The following PRELID2 variants were observed in gnomAD, a reference collection of about 807,000 sequenced individuals.
The protein encoded by PRELID2 is PRELI domain containing 2, also known as PRELI domain-containing protein 2.
A neutral mutation model predicts 28.4 loss-of-function variants in PRELID2; 25 were observed. The ratio of observed to expected loss-of-function variants is 0.88; its 90% CI spans 0.64 to 1.23. The LOEUF (loss-of-function observed/expected upper bound fraction) is 1.23. Among genes scored for constraint, PRELID2 ranks in the 50% most tolerant of loss-of-function variants. The pLI, the probability that PRELID2 is intolerant of heterozygous loss-of-function variation, is 0.00. For missense variants in PRELID2, 201 were observed against 214.4 expected (o/e 0.94, Z 0.39); for synonymous variants, 76 against 71.6 (o/e 1.06, Z -0.31).
At chr5:145,420,226 G>C in the PRELID2 span, among the ~76,000 whole-genome samples, 5 of 152,044 alleles carry the variant, frequency 3.3e-5, no homozygotes, top group Non-Finnish European at 5.9e-5. Flanking sequence ...TCTTTTTTTA[G>C]TTCCATATGA....
chr5:145,463,717 T>C, the PRELID2 span, among the ~76,000 whole-genome samples: 1 of 152,108 alleles, frequency 6.6e-6, no homozygotes, highest in African/African-American at 2.4e-5. Context: ...CCTGAAGGTA[T>C]TGCCAGCATT....
the PRELID2 span, among the ~76,000 whole-genome samples, chr5:145,320,180 G>C: frequency 6.6e-6 from 1 of 152,200 alleles, no homozygotes; most frequent in Non-Finnish European, 1.5e-5. Context: ...CTTTTAGTCA[G>C]GGAATAGTTT....
intron 1 of PRELID2, among the ~76,000 whole-genome samples, chr5:145,508,734 A>G (rs973610527): frequency 6.6e-6 from 1 of 152,164 alleles, no homozygotes; most frequent in Non-Finnish European, 1.5e-5. Flanking sequence ...AATTGTTTAC[A>G]TCTCAAGAGT....
the PRELID2 span, among the ~76,000 whole-genome samples, chr5:145,288,188 A>G: frequency 1.3e-5 from 2 of 152,162 alleles, no homozygotes; most frequent in African/African-American, 4.8e-5. Flanking sequence ...GGAAGTTACT[A>G]TAAGAAGCAT....
intron 1 of PRELID2, among the ~76,000 whole-genome samples, chr5:145,523,134 T>C (rs945318925): frequency 6.6e-6 from 1 of 152,156 alleles, no homozygotes; most frequent in Non-Finnish European, 1.5e-5. Context: ...TGTAAACTAC[T>C]GAGTATCACG....
At chr5:145,744,380 C>T (rs1387834414) in intron 1 of PRELID2, among the ~76,000 whole-genome samples, 3 of 152,196 alleles carry the variant, frequency 2.0e-5, no homozygotes, top group Non-Finnish European at 4.4e-5. Context: ...GGTCCCGTTC[C>T]CTGTGCCACT....
intron 1 of PRELID2, among the ~76,000 whole-genome samples, chr5:145,564,566 T>A (rs1344509717): frequency 2.6e-5 from 4 of 152,192 alleles, no homozygotes; most frequent in African/African-American, 9.6e-5. Flanking sequence ...CCTCTCCTTA[T>A]AACTCTTGAA....
Position 145,835,299 on chromosome 5 carries a change from A to C in PRELID2, c.-48T>G. ...GCACCGGCCACGCCTCCGCGAGCTC[A>C]GAGCTGCCCAGGGCTCCGCAGAGGC... is the stretch of plus-strand genomic sequence containing the variant. On this transcript the variant is annotated 5_prime_UTR_variant, in exon 1 of 7. Transcript: ENST00000683046. 11 of 1,373,838 alleles carry C rather than the reference A, an allele frequency of 8.0e-6. No individual in the cohort carries two copies. The highest frequency in any genetic ancestry group is 1.0e-5 in the Non-Finnish European group (10 of 990,770). The allele number at this position is 1,373,838 out of a possible 1,614,324, so 85.1% of individuals were successfully genotyped here. A position where few individuals can be genotyped will look rare whatever the true frequency, so the allele number is the denominator to read the frequency against.
the PRELID2 span, among the ~76,000 whole-genome samples, chr5:145,332,643 T>A: frequency 6.6e-6 from 1 of 152,094 alleles, no homozygotes; most frequent in African/African-American, 2.4e-5. Context: ...TTCTCTAAAC[T>A]GGTTATTCTA....
At chr5:145,745,509 G>A (rs187108647) in intron 1 of PRELID2, among the ~76,000 whole-genome samples, 3 of 152,246 alleles carry the variant, frequency 2.0e-5, no homozygotes, top group Non-Finnish European at 4.4e-5. Flanking sequence ...AACAGCAGAC[G>A]TCTCAGCAGA....
chr5:145,801,427 A>T (rs916981361), intron 4 of PRELID2, among the ~76,000 whole-genome samples: 2 of 152,264 alleles, frequency 1.3e-5, no homozygotes, highest in East Asian at 3.9e-4. Context: ...ACATATAAGG[A>T]TGACTCAAGT....
At chr5:145,412,675 T>G in the PRELID2 span, among the ~76,000 whole-genome samples, 1 of 152,218 alleles carries the variant, frequency 6.6e-6, no homozygotes. Context: ...GTTTACACAT[T>G]TCAGGTGTCT....
At chr5:145,368,439 A>G in the PRELID2 span, among the ~76,000 whole-genome samples, 3 of 152,042 alleles carry the variant, frequency 2.0e-5, no homozygotes, top group East Asian at 5.8e-4. Flanking sequence ...AACCAAACTG[A>G]TGCATTTAAG....
At chr5:145,600,430 A>ATATAT (rs797007372) in intron 1 of PRELID2, among the ~76,000 whole-genome samples, 17 of 125,650 alleles carry the variant, frequency 1.4e-4, no homozygotes, top group African/African-American at 7.5e-4. Context: ...GAAAAAAAAA[A>ATATAT]AAAAATATAT....
At chr5:145,475,674 T>C (rs1263022560) in intron 1 of PRELID2, among the ~76,000 whole-genome samples, 1 of 152,222 alleles carries the variant, frequency 6.6e-6, no homozygotes, top group Non-Finnish European at 1.5e-5. Flanking sequence ...GGAACAAGAT[T>C]TATTTCTTGT....
chr5:145,452,632 C>T, the PRELID2 span, among the ~76,000 whole-genome samples: 9 of 152,178 alleles, frequency 5.9e-5, no homozygotes, highest in Admixed American at 2.0e-4. Context: ...CAAGACTAAA[C>T]GTCTTTTGGT....
chr5:145,644,319 T>C (rs147397902), intron 1 of PRELID2, among the ~76,000 whole-genome samples: 1,927 of 152,320 alleles, frequency 0.013, 38 homozygotes, highest in African/African-American at 0.044. Flanking sequence ...TATAGTATTC[T>C]CCGATGGTAG....
chr5:145,791,219 A>G (rs1752370570), intron 5 of PRELID2, among the ~76,000 whole-genome samples: 1 of 152,102 alleles, frequency 6.6e-6, no homozygotes, highest in Admixed American at 6.6e-5. Context: ...ATCACTACCA[A>G]GAGAACAGGA....
intron 1 of PRELID2, among the ~76,000 whole-genome samples, chr5:145,653,778 T>G (rs1754341594): frequency 6.6e-6 from 1 of 152,196 alleles, no homozygotes; most frequent in Admixed American, 6.5e-5. Flanking sequence ...TAGCATTAAA[T>G]GCCCACAAGA....
Sources: gnomAD v4.1 joint callset for allele counts (sites outside exome capture counted in the v4.1 genomes callset) on GRCh38, gnomAD v4.1.1 for gene constraint, MANE v1.5 for transcripts, NCBI Gene and HGNC (gene_info 2026-07-23, HGNC 2026-07-21) for gene names.